LRRC63: variants seen among roughly 807,000 people sequenced by gnomAD.
The protein encoded by LRRC63 is leucine rich repeat containing 63, also known as leucine-rich repeat-containing protein 63.
In LRRC63, 40 loss-of-function variants were observed where a neutral mutation model predicts 49.5. The observed-to-expected ratio is 0.81, with a 90% CI of 0.63 to 1.05. LRRC63 has a LOEUF of 1.05. Among genes scored for constraint, LRRC63 ranks in the 50% least tolerant of loss-of-function variants. The pLI is 0.00. For missense variants in LRRC63, 636 were observed against 663.1 expected (o/e 0.96, Z 0.45); for synonymous variants, 191 against 221.1 (o/e 0.86, Z 1.21).
chr13:46,254,278 G>C lies in LRRC63; in HGVS notation c.1226+3787G>C, dbSNP rs1437808958. Among the ~76,000 whole-genome samples, 8 of 152,088 alleles carry C rather than the reference G, an allele frequency of 5.3e-5. No homozygotes were observed. In the East Asian group the frequency reaches 1.5e-3, roughly 29 times the overall value. On this transcript the variant is annotated intron_variant, in intron 7 of 9. Coordinates refer to ENST00000595396, the Ensembl canonical transcript of LRRC63. ...TTAGACAAAAGCTATAGAGAAAGTG[G>C]GATCTTAGAAACATTTTTATTGTTA...
chr13:46,273,667 C>T (rs946405968), intron 9 of LRRC63, among the ~76,000 whole-genome samples: 1 of 149,150 alleles, frequency 6.7e-6, no homozygotes, highest in Admixed American at 6.7e-5. Flanking sequence ...AATCTCAACA[C>T]TTTGGGAGGT....
At chr13:46,228,240 G>C (rs2046636868) in intron 3 of LRRC63, 51 bp downstream of exon 3, 3 of 1,365,972 alleles carry the variant, frequency 2.2e-6, no homozygotes, top group South Asian at 1.5e-5. Flanking sequence ...AGAGCAAAGG[G>C]GAGAGAAGGC....
At chr13:46,259,318 G>A (rs1224565917) in intron 7 of LRRC63, among the ~76,000 whole-genome samples, 6 of 142,644 alleles carry the variant, frequency 4.2e-5, no homozygotes, top group Admixed American at 4.1e-4. Context: ...GAAAAAGGGA[G>A]GTGGGGTGAA....
At chr13:46,234,386 A>AT in intron 5 of LRRC63, 37 bp downstream of exon 5, 1 of 1,521,552 alleles carries the variant, frequency 6.6e-7, no homozygotes, top group South Asian at 1.2e-5. Flanking sequence ...GCCCTCCTGT[A>AT]TTATCAATTA....
At chr13:46,215,056 A>G (rs932347240) in intron 2 of LRRC63, among the ~76,000 whole-genome samples, 1 of 152,244 alleles carries the variant, frequency 6.6e-6, no homozygotes, top group Admixed American at 6.5e-5. Flanking sequence ...TATTGTGAAC[A>G]GTGCTGCAAT....
intron 7 of LRRC63, among the ~76,000 whole-genome samples, chr13:46,257,892 T>C (rs542638010): frequency 1.3e-5 from 2 of 151,980 alleles, no homozygotes; most frequent in African/African-American, 4.8e-5. Context: ...TTTCTTATAG[T>C]TTCCATATGT....
In LRRC63 at chr13:46,261,359, C is replaced by T. The variant is rs75215130; in HGVS notation, c.1227-550C>T. Among the ~76,000 whole-genome samples, 1,377 of 152,138 alleles carry T rather than the reference C, an allele frequency of 9.1e-3. 22 individuals carry two copies. The highest frequency in any genetic ancestry group is 0.031 in the African/African-American group (1,298 of 41,512). Reference sequence around the variant, plus strand: ...ATACTAACTTGGATAAGGGTGAGCCCCAAATTCAATGGCTATTGTCCCTAT... The same window carrying T: ...ATACTAACTTGGATAAGGGTGAGCCTCAAATTCAATGGCTATTGTCCCTAT... On this transcript the variant is annotated intron_variant, in intron 7 of 9. Coordinates refer to ENST00000595396, the Ensembl canonical transcript of LRRC63.
At chr13:46,221,746 T>C (rs550454432) in intron 2 of LRRC63, among the ~76,000 whole-genome samples, 1 of 151,786 alleles carries the variant, frequency 6.6e-6, no homozygotes, top group African/African-American at 2.4e-5. Context: ...GGTTAACCCA[T>C]TGCTACTGGG....
chr13:46,222,203 T>C (rs1454831656), intron 2 of LRRC63, among the ~76,000 whole-genome samples: 1 of 152,170 alleles, frequency 6.6e-6, no homozygotes, highest in Non-Finnish European at 1.5e-5. Flanking sequence ...TTTTTTGTTT[T>C]CTAAGGGGAT....
At position 46,251,893 on chromosome 13, in the gene LRRC63, A is replaced by G. The variant is rs570377039; in HGVS notation, c.1226+1402A>G. 3.3e-5 allele frequency among the ~76,000 whole-genome samples: 5 copies of G among 152,124 alleles called. No homozygotes were observed. The East Asian group carries it at 9.6e-4, about 29-fold the overall frequency. On this transcript the variant is annotated intron_variant, in intron 7 of 9. Transcript: ENST00000595396. ...GAAATGTGATTATAACTAAAAGGTC[A>G]ACATTTTGTTCATTGTTTAGATATT...
rs557331832 is a variant in LRRC63 at position 46,273,268 on chromosome 13, T to A, written c.1551-3322T>A. On this transcript the variant is annotated intron_variant, in intron 9 of 9. Coordinates refer to ENST00000595396, the Ensembl canonical transcript of LRRC63. Reference sequence around the variant, plus strand: ...AACAAAATGGGAAAAGAGGGATGTGTACAAAGAGAAAAATAAATATTCAGC... The same window carrying A: ...AACAAAATGGGAAAAGAGGGATGTGAACAAAGAGAAAAATAAATATTCAGC... 5.9e-5 allele frequency among the ~76,000 whole-genome samples: 9 copies of A among 152,058 alleles called. No individual in the cohort carries two copies. The South Asian group carries it at 1.2e-3, about 21-fold the overall frequency.
chr13:46,243,891 A>T (rs1033877984), intron 5 of LRRC63, among the ~76,000 whole-genome samples: 1 of 152,234 alleles, frequency 6.6e-6, no homozygotes, highest in African/African-American at 2.4e-5. Context: ...AATAAATCTT[A>T]TATCACTAAA....
chr13:46,224,538 T>C (rs747041059), intron 2 of LRRC63, among the ~76,000 whole-genome samples: 36 of 152,204 alleles, frequency 2.4e-4, no homozygotes, highest in Non-Finnish European at 4.3e-4. Context: ...AAATTGAAAT[T>C]TTGAATTATT....
chr13:46,275,649 A>T (rs575551102), intron 9 of LRRC63, among the ~76,000 whole-genome samples: 1,223 of 108,824 alleles, frequency 0.011, 21 homozygotes, highest in African/African-American at 0.043. Context: ...GATCATTTTA[A>T]AATCAGATTT....
chr13:46,235,619 A>C (rs776029912), intron 5 of LRRC63, among the ~76,000 whole-genome samples: 39 of 149,812 alleles, frequency 2.6e-4, no homozygotes, highest in Non-Finnish European at 4.7e-4. Flanking sequence ...TGGAATATGC[A>C]AAAAAAAATG....
At chr13:46,224,420 A>T (rs1432727444) in intron 2 of LRRC63, among the ~76,000 whole-genome samples, 1 of 152,068 alleles carries the variant, frequency 6.6e-6, no homozygotes, top group African/African-American at 2.4e-5. Flanking sequence ...GTTCTTTCTT[A>T]AAAATATCTA....
chr13:46,234,308 G>A, exon 5 of LRRC63: 1 of 1,550,246 alleles, frequency 6.5e-7, no homozygotes, highest in Non-Finnish European at 8.7e-7. Flanking sequence ...CCTGGCCATA[G>A]TAAACTGTCA....
intron 1 of LRRC63, 50 bp downstream of exon 1, chr13:46,212,309 A>G (rs1484401440): frequency 1.3e-5 from 2 of 152,232 alleles, no homozygotes; most frequent in African/African-American, 4.8e-5. Context: ...TAGGCTATCA[A>G]TGGAATAATG....
chr13:46,263,341 AT>A (rs1469647337), intron 8 of LRRC63, among the ~76,000 whole-genome samples: 1 of 151,808 alleles, frequency 6.6e-6, no homozygotes, highest in Non-Finnish European at 1.5e-5. Context: ...TGCCTCGCTA[AT>A]TTTTTTATAT....
Sources: gnomAD v4.1 joint callset for allele counts (sites outside exome capture counted in the v4.1 genomes callset) on GRCh38, gnomAD v4.1.1 for gene constraint, MANE v1.5 for transcripts, NCBI Gene and HGNC (gene_info 2026-07-23, HGNC 2026-07-21) for gene names.